The following GRHL1 variants were observed in gnomAD, a reference collection of about 807,000 sequenced individuals.
GRHL1 encodes the protein grainyhead-like protein 1 homolog.
A neutral mutation model predicts 75.7 loss-of-function variants in GRHL1; 38 were observed. The observed-to-expected ratio is 0.50, with a 90% CI of 0.39 to 0.66. GRHL1 has a LOEUF of 0.66. GRHL1 is among the 30% of genes least tolerant of loss of function. The pLI, the probability that GRHL1 is intolerant of heterozygous loss-of-function variation, is 0.00. For missense variants in GRHL1, 589 were observed against 767.5 expected, an observed-to-expected ratio of 0.77 and a Z score of 2.75; for synonymous variants, 266 against 279.4, an observed-to-expected ratio of 0.95 and a Z score of 0.48.
chr2:9,961,526 C>A, intron 4 of GRHL1, 90 bp downstream of exon 4: 2 of 1,270,170 alleles, frequency 1.6e-6, no homozygotes, highest in Non-Finnish European at 2.2e-6. Flanking sequence ...GCATGAAACT[C>A]AGCCTGAAAT....
chr2:9,986,702 G>A (rs1668430646), intron 9 of GRHL1, among the ~76,000 whole-genome samples: 1 of 152,030 alleles, frequency 6.6e-6, no homozygotes, highest in Admixed American at 6.6e-5. Context: ...ACAGGTGTGA[G>A]CCACCGCGCC....
chr2:9,982,362 C>T (rs1668235531), intron 8 of GRHL1, among the ~76,000 whole-genome samples: 1 of 141,606 alleles, frequency 7.1e-6, no homozygotes, highest in South Asian at 2.3e-4. Flanking sequence ...TCTATCTTGG[C>T]CAATCACTCG....
intron 1 of GRHL1, 114 bp from the exon 2 acceptor site, chr2:9,954,801 A>T: frequency 1.1e-6 from 1 of 892,296 alleles, no homozygotes; most frequent in Non-Finnish European, 1.8e-6. Context: ...TTGACTTCCT[A>T]GGGTCATTGA....
rs867931665 is a variant in GRHL1 at position 9,998,753 on chromosome 2, T to C, written c.1678-212T>C. Among the ~76,000 whole-genome samples the C allele has an allele frequency of 1.3e-4, 4 of 30,370 alleles. 2 individuals carry two copies. Among genetic ancestry groups the C allele is most frequent in the Non-Finnish European group, 2.0e-4 (4 of 19,914 alleles). The allele number at this position is 30,370 out of a possible 152,430, so 19.9% of individuals were successfully genotyped here. A position where few individuals can be genotyped will look rare whatever the true frequency, so the allele number is the denominator to read the frequency against. On this transcript the variant is annotated intron_variant, in intron 14 of 15. Coordinates refer to ENST00000324907, the MANE Select transcript of GRHL1 (RefSeq NM_198182.3). Reference sequence around the variant, plus strand: ...ATACGTATATATGTACACACATATATACGTATATATATGTACACACATATA... The same window carrying C: ...ATACGTATATATGTACACACATATACACGTATATATATGTACACACATATA...
chr2:9,988,386 T>C (rs763013029), intron 9 of GRHL1, among the ~76,000 whole-genome samples: 1 of 152,190 alleles, frequency 6.6e-6, no homozygotes, highest in Non-Finnish European at 1.5e-5. Flanking sequence ...GTCCATCCCA[T>C]ATGGTGGGAA....
chr2:9,962,468 C>T lies in GRHL1; in HGVS notation c.683C>T (p.Ser228Leu), dbSNP rs755273704. 1.3e-6 allele frequency: 2 copies of T among 1,596,748 alleles called. No individual in the cohort carries two copies. The highest frequency in any genetic ancestry group is 1.7e-6 in the Non-Finnish European group (2 of 1,164,176). Residue 228 changes from serine (S) to leucine (L), a missense_variant, in exon 5 of 16, where the codon TCG becomes TTG. Coordinates refer to ENST00000324907, the MANE Select transcript of GRHL1 (RefSeq NM_198182.3). Reference sequence around the variant, plus strand: ...TTGATATTTCAGGTTTTCTTCCCCTCGGATCTCAGTCTGCGGATGCCTGGC... The same window carrying T: ...TTGATATTTCAGGTTTTCTTCCCCTTGGATCTCAGTCTGCGGATGCCTGGC... Reference protein sequence around the residue: ...KEGVQEVFFPSDLSLRMPGMN... With the variant: ...KEGVQEVFFPLDLSLRMPGMN...
intron 14 of GRHL1, among the ~76,000 whole-genome samples, chr2:9,997,829 A>AC (rs1318837621): frequency 6.6e-6 from 1 of 152,024 alleles, no homozygotes; most frequent in Non-Finnish European, 1.5e-5. Context: ...AAAAAAAAAA[A>AC]AACAACAAAA....
chr2:9,961,476 T>G, intron 4 of GRHL1, 40 bp downstream of exon 4: 1 of 1,551,048 alleles, frequency 6.4e-7, no homozygotes. Flanking sequence ...GCCTGCGTGT[T>G]TGTATAAGTA....
chr2:9,969,355 T>G (rs1170581256), intron 8 of GRHL1, among the ~76,000 whole-genome samples: 1 of 152,194 alleles, frequency 6.6e-6, no homozygotes, highest in Non-Finnish European at 1.5e-5. Context: ...CACCCAGTAC[T>G]CCATGCTATT....
chr2:9,996,249 C>T lies in GRHL1; in HGVS notation c.1592-67C>T. ...TACCGTGGTCTGTTTTCCTCTTTTG[C>T]TCATGTGAACTGTATCCTTTTTTTC... On this transcript the variant is annotated intron_variant, in intron 13 of 15. Coordinates refer to ENST00000324907, the MANE Select transcript of GRHL1 (RefSeq NM_198182.3). 3 of 1,146,934 alleles carry T rather than the reference C, an allele frequency of 2.6e-6. No individual in the cohort carries two copies. The South Asian group carries it at 3.7e-5, about 14-fold the overall frequency. The allele number at this position is 1,146,934 out of a possible 1,614,324, so 71.0% of individuals were successfully genotyped here.
At chr2:9,957,661 G>A (rs1007777349) in intron 2 of GRHL1, among the ~76,000 whole-genome samples, 1 of 151,406 alleles carries the variant, frequency 6.6e-6, no homozygotes, top group Non-Finnish European at 1.5e-5. Context: ...CACCCGCCTC[G>A]GCCTCCCAAA....
At chr2:9,988,181 G>C (rs933785054) in intron 9 of GRHL1, among the ~76,000 whole-genome samples, 1 of 152,176 alleles carries the variant, frequency 6.6e-6, no homozygotes, top group South Asian at 2.1e-4. Flanking sequence ...ATCTGGTTAA[G>C]TTGCTCGGAA....
chr2:9,982,417 C>A (rs1668240090), intron 8 of GRHL1, among the ~76,000 whole-genome samples: 2 of 152,230 alleles, frequency 1.3e-5, no homozygotes, highest in Non-Finnish European at 2.9e-5. Context: ...ACAGTCCCAG[C>A]ATCTCAAACC....
intron 8 of GRHL1, among the ~76,000 whole-genome samples, chr2:9,974,066 C>G (rs973025391): frequency 6.6e-6 from 1 of 152,228 alleles, no homozygotes; most frequent in Non-Finnish European, 1.5e-5. Context: ...ACAATTTTTC[C>G]ACAAGGTGCT....
chr2:9,971,091 G>A (rs1161288183), intron 8 of GRHL1, among the ~76,000 whole-genome samples: 1 of 151,946 alleles, frequency 6.6e-6, no homozygotes, highest in African/African-American at 2.4e-5. Flanking sequence ...GTGGGATGCA[G>A]GTTTATGAGT....
chr2:9,996,402 G>C lies in GRHL1; in HGVS notation c.1677+1G>C. 8 of 1,584,892 alleles carry C rather than the reference G, an allele frequency of 5.0e-6. No homozygotes were observed. The highest frequency in any genetic ancestry group is 2.2e-5 in the East Asian group (1 of 44,758). On this transcript the variant is annotated splice_donor_variant, in intron 14 of 15. Coordinates refer to ENST00000324907, the MANE Select transcript of GRHL1 (RefSeq NM_198182.3). LOFTEE classifies it high-confidence loss of function. ...ATCTTTGAAGGGCTTGATGGAAGCT[G>C]TAAGTAGGATCAACTCTGTAATCCC...
intron 3 of GRHL1, chr2:9,959,672 C>T (rs2125206677): frequency 6.6e-6 from 1 of 152,338 alleles, no homozygotes; most frequent in South Asian, 2.1e-4. Flanking sequence ...TATAAGCCCA[C>T]ATGTATCCAT....
intron 6 of GRHL1, 36 bp downstream of exon 6, chr2:9,964,078 C>G: frequency 6.3e-7 from 1 of 1,584,678 alleles, no homozygotes; most frequent in Non-Finnish European, 8.6e-7. Flanking sequence ...TCTAGGAAAG[C>G]TAGTCAGAGC....
At chr2:9,976,515 G>T (rs527427632) in intron 8 of GRHL1, among the ~76,000 whole-genome samples, 1 of 152,260 alleles carries the variant, frequency 6.6e-6, no homozygotes, top group East Asian at 1.9e-4. Flanking sequence ...GCTGTGTAAT[G>T]TTGTGACCCC....
Sources: allele counts gnomAD v4.1 joint callset (sites outside exome capture counted in the v4.1 genomes callset), GRCh38; gene constraint gnomAD v4.1.1; transcripts MANE v1.5; gene names NCBI Gene and HGNC (gene_info 2026-07-23, HGNC 2026-07-21).